Variants in TULP4 observed in about 807,000 individuals in gnomAD.
TULP4 encodes the protein TUB like protein 4.
Under a neutral mutation model 129.0 loss-of-function variants are expected in TULP4, and 16 were observed. The ratio of observed to expected loss-of-function variants is 0.12; its 90% CI spans 0.08 to 0.19. The LOEUF is 0.19. Among genes scored for constraint, TULP4 ranks in the 10% least tolerant of loss-of-function variants. The pLI is 1.00. For missense variants in TULP4, 1,842 were observed against 2,059.1 expected (o/e 0.89, Z 2.04); for synonymous variants, 998 against 854.0 (o/e 1.17, Z -2.94).
At chr6:158,403,849 A>T (rs1777910192) in intron 1 of TULP4, among the ~76,000 whole-genome samples, 1 of 152,116 alleles carries the variant, frequency 6.6e-6, no homozygotes, top group Non-Finnish European at 1.5e-5. Context: ...ATTAGAATTC[A>T]CTTGTGTGCG....
chr6:158,468,476 TAACTTA>T (rs1297920138), intron 6 of TULP4, among the ~76,000 whole-genome samples: 1 of 152,226 alleles, frequency 6.6e-6, no homozygotes, highest in East Asian at 1.9e-4. Context: ...AAGGATCAGA[TAACTTA>T]AACTTATTTG....
At chr6:158,289,017 A>G (rs573053269) in intron 1 of TULP4, among the ~76,000 whole-genome samples, 8 of 152,262 alleles carry the variant, frequency 5.3e-5, no homozygotes, top group Middle Eastern at 3.4e-3. Context: ...CTATTCCTGA[A>G]TGTTTGGTAG....
chr6:158,491,449 TC>T (rs750797008), intron 9 of TULP4, among the ~76,000 whole-genome samples: 8,167 of 32,054 alleles, frequency 0.25, 329 homozygotes, highest in East Asian at 0.43. Context: ...TTCTTTTCTT[TC>T]TTTCTTTTCT....
chr6:158,248,513 C>G (rs1236780127), intron 1 of TULP4, among the ~76,000 whole-genome samples: 2 of 152,126 alleles, frequency 1.3e-5, no homozygotes. Flanking sequence ...TTCTGATCTG[C>G]CCACCTCGGC....
At position 158,262,411 on chromosome 6, in the gene TULP4, ATCAGAGG is replaced by A. The variant is rs1205243547; in HGVS notation, n.68+30113_68+30119del. ...GAGTGCTCCCTGGGAGAGCGTGTGA[ATCAGAGG>A]TCAGTTTCAGAGGCACATTCTCAGG... On this transcript the variant is annotated intron_variant and non_coding_transcript_variant, in intron 1 of 1. Transcript: ENST00000620026. Among the ~76,000 whole-genome samples the A allele has an allele frequency of 1.4e-4, 21 of 152,042 alleles. 1 individual carries two copies. The highest frequency in any genetic ancestry group is 1.4e-3 in the Admixed American group (21 of 15,262).
chr6:158,375,936 G>T (rs946223611), intron 1 of TULP4, among the ~76,000 whole-genome samples: 1 of 152,224 alleles, frequency 6.6e-6, no homozygotes, highest in Non-Finnish European at 1.5e-5. Context: ...CTTGATGGAA[G>T]TGAGGAGACA....
intron 1 of TULP4, among the ~76,000 whole-genome samples, chr6:158,364,002 A>G (rs532492077): frequency 1.3e-5 from 2 of 152,306 alleles, no homozygotes; most frequent in African/African-American, 2.4e-5. Flanking sequence ...AAATTAAAAA[A>G]ACCCACAATT....
upstream of TULP4, among the ~76,000 whole-genome samples, chr6:158,307,954 C>A (rs570629376): frequency 6.6e-6 from 1 of 151,706 alleles, no homozygotes; most frequent in Non-Finnish European, 1.5e-5. Context: ...TGCTGATTTT[C>A]GCAAACATCT....
chr6:158,451,461 G>A lies in TULP4; in HGVS notation c.725-673G>A, dbSNP rs113555116. On this transcript the variant is annotated intron_variant, in intron 4 of 13. Transcript: ENST00000367097. ...AAACGTTGCTCTATCTAGGCATCTA[G>A]GAAGGGCTTACTTTTGCTTTTTCAA... 1.7e-3 allele frequency among the ~76,000 whole-genome samples: 257 copies of A among 152,294 alleles called. 2 individuals carry two copies. Among genetic ancestry groups the A allele is most frequent in the Admixed American group, 3.1e-3 (47 of 15,296 alleles).
At chr6:158,251,067 G>T (rs1778130540) in intron 1 of TULP4, among the ~76,000 whole-genome samples, 1 of 152,212 alleles carries the variant, frequency 6.6e-6, no homozygotes, top group Non-Finnish European at 1.5e-5. Context: ...AGACAGGGGA[G>T]GCTGGGCGCA....
intron 5 of TULP4, among the ~76,000 whole-genome samples, chr6:158,452,591 CG>C (rs1236908669): frequency 3.9e-5 from 6 of 152,234 alleles, no homozygotes; most frequent in African/African-American, 1.4e-4. Flanking sequence ...GCACAATAAA[CG>C]GACTGCAGCA....
chr6:158,241,632 T>C (rs1225498047), intron 1 of TULP4, among the ~76,000 whole-genome samples: 2 of 151,852 alleles, frequency 1.3e-5, no homozygotes, highest in East Asian at 3.9e-4. Context: ...TCTCGCTCTG[T>C]CACCCAGGCT....
chr6:158,332,186 AAAAAAAAAAAAAAAATATATAT>A (rs1182208426), intron 1 of TULP4, among the ~76,000 whole-genome samples: 131 of 15,188 alleles, frequency 8.6e-3, no homozygotes, highest in Middle Eastern at 0.037. Flanking sequence ...AAAAAAAAAA[AAAAAAAAAAAAAAAATATATAT>A]ATATATATAT....
intron 1 of TULP4, among the ~76,000 whole-genome samples, chr6:158,349,559 G>A (rs1310571720): frequency 4.3e-5 from 6 of 139,034 alleles, no homozygotes; most frequent in Non-Finnish European, 8.0e-5. Flanking sequence ...CCAGACGATG[G>A]GTGGCCGGGC....
intron 1 of TULP4, chr6:158,242,422 G>A (rs1006227205): frequency 2.5e-6 from 3 of 1,216,436 alleles, no homozygotes; most frequent in Non-Finnish European, 3.7e-6. Flanking sequence ...TTTCGGACGA[G>A]ATCTCTTTAT....
At chr6:158,364,979 C>A (rs1333435825) in intron 1 of TULP4, among the ~76,000 whole-genome samples, 1 of 151,984 alleles carries the variant, frequency 6.6e-6, no homozygotes. Context: ...TTGTGATCCA[C>A]CTGCCTCGGC....
chr6:158,461,213 A>G (rs1392622839), intron 5 of TULP4, among the ~76,000 whole-genome samples: 1 of 152,184 alleles, frequency 6.6e-6, no homozygotes, highest in Non-Finnish European at 1.5e-5. Context: ...GGAGTTCGAG[A>G]CCAGCCTGAC....
upstream of TULP4, among the ~76,000 whole-genome samples, chr6:158,309,511 TC>T: frequency 6.6e-6 from 1 of 151,882 alleles, no homozygotes; most frequent in Middle Eastern, 3.2e-3. Flanking sequence ...GAGGCTGCAC[TC>T]TCGGCGCTTT....
intron 1 of TULP4, among the ~76,000 whole-genome samples, chr6:158,409,781 A>G (rs747693911): frequency 6.6e-6 from 1 of 152,186 alleles, no homozygotes; most frequent in Non-Finnish European, 1.5e-5. Flanking sequence ...CTTTTCGTTT[A>G]TACTAGTTGG....
Sources: allele counts gnomAD v4.1 joint callset (sites outside exome capture counted in the v4.1 genomes callset), GRCh38; gene constraint gnomAD v4.1.1; transcripts MANE v1.5; gene names NCBI Gene and HGNC (gene_info 2026-07-23, HGNC 2026-07-21).